CBLC: variants seen among roughly 807,000 people sequenced by gnomAD.
The protein encoded by CBLC is Cbl proto-oncogene C.
In CBLC, 46 loss-of-function variants were observed where a neutral mutation model predicts 58.6. The observed-to-expected ratio is 0.79, with a 90% CI of 0.62 to 1.00. The LOEUF (loss-of-function observed/expected upper bound fraction) is 1.00. Among genes scored for constraint, CBLC ranks in the 50% least tolerant of loss-of-function variants. CBLC has a pLI of 0.00. For missense variants in CBLC, 655 were observed against 625.8 expected (o/e 1.05, Z -0.50); for synonymous variants, 271 against 264.2 (o/e 1.03, Z -0.25).
intron 5 of CBLC, among the ~76,000 whole-genome samples, chr19:44,789,642 C>T (rs898438930): frequency 2.0e-5 from 3 of 152,146 alleles, no homozygotes; most frequent in African/African-American, 7.2e-5. Flanking sequence ...CCACCCACCT[C>T]GGCCTCCCAA....
At chr19:44,783,523 A>G (rs1967804386) in intron 4 of CBLC, among the ~76,000 whole-genome samples, 1 of 151,592 alleles carries the variant, frequency 6.6e-6, no homozygotes. Context: ...AAAAAAAAAA[A>G]TACAAAAATT....
At chr19:44,786,273 C>T (rs530567020) in intron 5 of CBLC, among the ~76,000 whole-genome samples, 4 of 151,874 alleles carry the variant, frequency 2.6e-5, no homozygotes, top group East Asian at 2.0e-4. Context: ...ACATAGTAAC[C>T]TTTATGTATG....
intron 6 of CBLC, among the ~76,000 whole-genome samples, chr19:44,790,517 C>G (rs893255759): frequency 2.0e-5 from 3 of 152,074 alleles, no homozygotes; most frequent in African/African-American, 7.2e-5. Flanking sequence ...CTCACTGCAG[C>G]CTCGACCTCT....
rs1384229661 is a variant in CBLC at position 44,781,045 on chromosome 19, G to A, written c.494G>A (p.Gly165Glu). 1 of 1,611,668 alleles carries A rather than the reference G, an allele frequency of 6.2e-7. No homozygotes were observed. The highest frequency in any genetic ancestry group is 1.3e-5 in the African/African-American group (1 of 74,916). Residue 165 changes from glycine (G) to glutamate (E), a missense_variant, in exon 2 of 11, where the codon GGA (glycine) becomes GAA (glutamate). Transcript: ENST00000647358. ...PAHTFWRESCGARCVLPWAEF... is the reference protein window; with the variant it reads ...PAHTFWRESCEARCVLPWAEF... ...CACACCTTCTGGAGGGAAAGTTGCG[G>A]AGCCCGGTGAGTAAGCCCTTGTCCT... is the stretch of plus-strand genomic sequence containing the variant.
chr19:44,792,772 T>G (rs191282370), intron 7 of CBLC, among the ~76,000 whole-genome samples: 1 of 152,242 alleles, frequency 6.6e-6, no homozygotes, highest in Non-Finnish European at 1.5e-5. Context: ...TCTGCCTAGG[T>G]GATCCCCAGC....
rs931886470 is a variant in CBLC, at chr19:44,800,594, G to A, written c.*51G>A. The A allele has an allele frequency of 5.2e-6, 3 of 578,162 alleles. No homozygotes were observed. Among genetic ancestry groups the A allele is most frequent in the Non-Finnish European group, 9.3e-6 (3 of 323,622 alleles). The allele number at this position is 578,162 out of a possible 1,614,324, so 35.8% of individuals were successfully genotyped here. A position where few individuals can be genotyped will look rare whatever the true frequency, so the allele number is the denominator to read the frequency against. On this transcript the variant is annotated 3_prime_UTR_variant, in exon 11 of 11. Coordinates refer to ENST00000647358, the MANE Select transcript of CBLC (RefSeq NM_012116.4). ...TCAAGGGAGCCCCAAGGGCTGGAAG[G>A]GGGTTGTGAAACCGAAATAAACTGC...
intron 6 of CBLC, 49 bp downstream of exon 6, chr19:44,790,140 C>T: frequency 7.1e-7 from 1 of 1,417,852 alleles, no homozygotes; most frequent in Non-Finnish European, 1.0e-6. Context: ...ACCCTGCCAC[C>T]CCCACGTTGC....
chr19:44,785,866 T>A (rs1048482612), intron 5 of CBLC, among the ~76,000 whole-genome samples: 1 of 151,830 alleles, frequency 6.6e-6, no homozygotes, highest in African/African-American at 2.4e-5. Context: ...ACCTGGCAGG[T>A]GGAGGTTTCG....
intron 5 of CBLC, 33 bp downstream of exon 5, chr19:44,784,434 A>G: frequency 1.3e-6 from 2 of 1,539,172 alleles, no homozygotes; most frequent in Non-Finnish European, 1.8e-6. Flanking sequence ...GGAGGGTGTC[A>G]GCAAAATCTG....
chr19:44,789,056 T>C (rs1056650027), intron 5 of CBLC, among the ~76,000 whole-genome samples: 4 of 151,900 alleles, frequency 2.6e-5, no homozygotes, highest in Admixed American at 6.6e-5. Context: ...ATAACTGGAG[T>C]AGCATTGAGG....
At chr19:44,780,454 T>A (rs1444819912) in intron 1 of CBLC, among the ~76,000 whole-genome samples, 1 of 144,934 alleles carries the variant, frequency 6.9e-6, no homozygotes, top group Admixed American at 7.1e-5. Context: ...ATAAAAGCCA[T>A]GTATATCGTT....
rs1423078204 is a variant in CBLC, at chr19:44,779,399, C to G, written c.353+1115C>G. On this transcript the variant is annotated intron_variant, in intron 1 of 10. Coordinates refer to ENST00000647358, the MANE Select transcript of CBLC (RefSeq NM_012116.4). Reference sequence around the variant, plus strand: ...TCCTGAGGAACAGCTGGCTCCAGACCCAGGACCTGCCTGGAGGCCACCCCT... The same window carrying G: ...TCCTGAGGAACAGCTGGCTCCAGACGCAGGACCTGCCTGGAGGCCACCCCT... Among the ~76,000 whole-genome samples, 4 of 152,146 alleles carry G rather than the reference C, an allele frequency of 2.6e-5. No homozygotes were observed. The East Asian group carries it at 5.8e-4, about 22-fold the overall frequency.
At position 44,792,488 on chromosome 19, in the gene CBLC, T is replaced by A; in HGVS notation, c.1111T>A (p.Cys371Ser). ...GATTGAGCCGTGCGGGCACCTGCTC[T>A]GCAGCTGCTGCCTGGCTGCCTGGCA... ...VKIEPCGHLL[C>S]SCCLAAWQHS... The change falls in exon 7 of 11, where the codon TGC (cysteine) becomes AGC (serine). Residue 371 changes from cysteine (C) to serine (S), a missense_variant. By Grantham distance (112) the Cys-to-Ser change is moderately radical. This residue lies in a region of CBLC where 371 missense variants were observed against 370.8 expected (regional missense o/e 1.00). Coordinates refer to ENST00000647358, the MANE Select transcript of CBLC (RefSeq NM_012116.4). 1 of 1,606,324 alleles carries A rather than the reference T, an allele frequency of 6.2e-7. No homozygotes were observed. The highest frequency in any genetic ancestry group is 8.5e-7 in the Non-Finnish European group (1 of 1,177,250).
chr19:44,799,934 T>G (rs1413108471), intron 9 of CBLC, among the ~76,000 whole-genome samples: 1 of 152,112 alleles, frequency 6.6e-6, no homozygotes, highest in Non-Finnish European at 1.5e-5. Flanking sequence ...GCTTGGGAAC[T>G]GTCTGTGGGG....
At chr19:44,795,703 G>C (rs1160884290) in intron 9 of CBLC, among the ~76,000 whole-genome samples, 1 of 152,084 alleles carries the variant, frequency 6.6e-6, no homozygotes, top group East Asian at 1.9e-4. Flanking sequence ...TATGTTCAAA[G>C]ATCTTTCGCC....
At chr19:44,796,611 C>T (rs900674079) in intron 9 of CBLC, among the ~76,000 whole-genome samples, 4 of 152,028 alleles carry the variant, frequency 2.6e-5, no homozygotes, top group African/African-American at 9.7e-5. Flanking sequence ...TCTCGAACTC[C>T]CAACCTCAGG....
chr19:44,778,244 A>G lies in CBLC; in HGVS notation c.313A>G (p.Ser105Gly), dbSNP rs1030666838. ...AALLPPRGRR[S>G]ANDELFRAGS... ...GCTGCTGCCTCCCCGGGGCCGAAGG[A>G]GTGCCAACGACGAGCTCTTCCGGGC... The change falls in exon 1 of 11, where the codon AGT becomes GGT. Residue 105 changes from serine (S) to glycine (G), a missense_variant. Around this residue, in one of 3 missense-constraint regions of CBLC, gnomAD observed 280 missense variants for 237.2 expected, o/e 1.18. Coordinates refer to ENST00000647358, the MANE Select transcript of CBLC (RefSeq NM_012116.4). 1 of 1,453,620 alleles carries G rather than the reference A, an allele frequency of 6.9e-7. No homozygotes were observed. The highest frequency in any genetic ancestry group is 1.5e-5 in the South Asian group (1 of 68,888). 90.0% of individuals were successfully genotyped at this position (1,453,620 alleles called of 1,614,324 possible). A position where few individuals can be genotyped will look rare whatever the true frequency, so the allele number is the denominator to read the frequency against.
chr19:44,778,409 C>A, intron 1 of CBLC, 125 bp downstream of exon 1: 2 of 839,614 alleles, frequency 2.4e-6, no homozygotes, highest in Non-Finnish European at 3.1e-6. Flanking sequence ...GGAACTCAGG[C>A]CCCCACCACC....
chr19:44,800,487 C>T, intron 10 of CBLC, 37 bp downstream of exon 10: 1 of 1,295,776 alleles, frequency 7.7e-7, no homozygotes. Context: ...GCCCACTCCA[C>T]CCCACTCCAC....
Sources: allele counts gnomAD v4.1 joint callset (sites outside exome capture counted in the v4.1 genomes callset), GRCh38; gene constraint gnomAD v4.1.1; regional missense constraint gnomAD v4.1.1; transcripts MANE v1.5; gene names NCBI Gene and HGNC (gene_info 2026-07-23, HGNC 2026-07-21).